Variants in PLD5 observed in about 807,000 individuals in gnomAD.
The protein encoded by PLD5 is phospholipase D family member 5.
In PLD5, 36 loss-of-function variants were observed where a neutral mutation model predicts 61.1. The ratio of observed to expected loss-of-function variants is 0.59; its 90% CI spans 0.45 to 0.78. The LOEUF is 0.78. Among genes scored for constraint, PLD5 ranks in the 30% least tolerant of loss-of-function variants. The probability of loss-of-function intolerance (pLI) is 0.00; values close to 1 mark genes in which losing one functional copy is unlikely to be tolerated. For synonymous variants in PLD5, 243 were observed against 242.8 expected (o/e 1.00, Z -0.01); for missense variants, 515 against 644.4 (o/e 0.80, Z 2.17).
In PLD5 at chr1:242,308,263, T is replaced by C. The variant is rs527713365; in HGVS notation, c.327-19733A>G. On this transcript the variant is annotated intron_variant, in intron 2 of 9. Transcript: ENST00000536534. ...CTTCAATCTTGCAATTCTCTAATCTTGGAAGTTTAAAAATTCATAAGATAT... is the reference window on the plus strand; with the variant it reads ...CTTCAATCTTGCAATTCTCTAATCTCGGAAGTTTAAAAATTCATAAGATAT... Among the ~76,000 whole-genome samples, 7 of 152,242 alleles carry C rather than the reference T, an allele frequency of 4.6e-5. No individual in the cohort carries two copies. In the East Asian group the frequency reaches 1.4e-3, roughly 29 times the overall value.
At chr1:242,433,452 A>G (rs898075241) in intron 1 of PLD5, among the ~76,000 whole-genome samples, 1 of 152,226 alleles carries the variant, frequency 6.6e-6, no homozygotes, top group Non-Finnish European at 1.5e-5. Flanking sequence ...ATGCAAATAC[A>G]GCAATCTAAA....
At chr1:242,091,465 T>C (rs1417804248) in intron 9 of PLD5, among the ~76,000 whole-genome samples, 1 of 152,126 alleles carries the variant, frequency 6.6e-6, no homozygotes, top group Non-Finnish European at 1.5e-5. Flanking sequence ...ACAACCATGG[T>C]CATAGATGTT....
chr1:242,409,585 A>G (rs1422720874), intron 1 of PLD5, among the ~76,000 whole-genome samples: 1 of 152,144 alleles, frequency 6.6e-6, no homozygotes, highest in African/African-American at 2.4e-5. Flanking sequence ...AATAGGCAAG[A>G]AAGAAGGAAG....
intron 2 of PLD5, among the ~76,000 whole-genome samples, chr1:242,334,728 A>G (rs1659399858): frequency 6.6e-6 from 1 of 152,186 alleles, no homozygotes; most frequent in Non-Finnish European, 1.5e-5. Flanking sequence ...AACCTCCCTT[A>G]TCTGACTAAG....
intron 4 of PLD5, among the ~76,000 whole-genome samples, chr1:242,234,920 C>T (rs1671540900): frequency 6.6e-6 from 1 of 151,542 alleles, no homozygotes. Flanking sequence ...CATCCGACTT[C>T]CTAGTTCGAA....
At chr1:242,172,955 A>C (rs1487431172) in intron 5 of PLD5, among the ~76,000 whole-genome samples, 1 of 152,132 alleles carries the variant, frequency 6.6e-6, no homozygotes, top group Non-Finnish European at 1.5e-5. Context: ...AGAGGTACAA[A>C]GAGGAGCTGG....
Position 242,501,556 on chromosome 1 carries a change from T to C in PLD5, c.189+22532A>G, listed in dbSNP as rs141978737. On this transcript the variant is annotated intron_variant, in intron 1 of 9. Transcript: ENST00000536534. ...AGCACTGTAAATTCTCAATGATCAA[T>C]GCTCATAAAGAAACGGAATGAAAAC... Among the ~76,000 whole-genome samples the C allele has an allele frequency of 1.3e-3, 200 of 152,258 alleles. 2 individuals carry two copies. The highest frequency in any genetic ancestry group is 4.6e-3 in the African/African-American group (190 of 41,554).
intron 1 of PLD5, among the ~76,000 whole-genome samples, chr1:242,457,653 C>T (rs1386182726): frequency 6.6e-6 from 1 of 152,128 alleles, no homozygotes; most frequent in African/African-American, 2.4e-5. Flanking sequence ...AAACAACTAA[C>T]ACACCCAATC....
At chr1:242,386,169 C>G (rs575084354) in intron 1 of PLD5, among the ~76,000 whole-genome samples, 3 of 152,254 alleles carry the variant, frequency 2.0e-5, no homozygotes, top group Non-Finnish European at 4.4e-5. Context: ...CTCACCCTAA[C>G]CACTTTATTT....
At chr1:242,269,668 G>A (rs935395375) in intron 3 of PLD5, among the ~76,000 whole-genome samples, 1 of 151,996 alleles carries the variant, frequency 6.6e-6, no homozygotes, top group African/African-American at 2.4e-5. Context: ...GCTAAGCAAA[G>A]GAAAATGAGT....
At chr1:242,285,859 A>G (rs1574667338) in intron 3 of PLD5, among the ~76,000 whole-genome samples, 2 of 151,992 alleles carry the variant, frequency 1.3e-5, no homozygotes, top group Non-Finnish European at 2.9e-5. Flanking sequence ...TATAATCCCA[A>G]CACTTTGGGA....
At chr1:242,408,479 AGT>A (rs1350929382) in intron 1 of PLD5, among the ~76,000 whole-genome samples, 1 of 152,144 alleles carries the variant, frequency 6.6e-6, no homozygotes, top group Non-Finnish European at 1.5e-5. Flanking sequence ...GTTGGTGATG[AGT>A]GAGTTCTCTG....
intron 1 of PLD5, among the ~76,000 whole-genome samples, chr1:242,394,488 GAACA>G (rs1663272554): frequency 1.1e-5 from 1 of 87,602 alleles, no homozygotes; most frequent in South Asian, 4.7e-4. Context: ...GTATATATGT[GAACA>G]TATATATGTG....
In PLD5 at chr1:242,418,394, G is replaced by A. The variant is rs540376286; in HGVS notation, c.190-70152C>T. On this transcript the variant is annotated intron_variant, in intron 1 of 9. Transcript: ENST00000536534. The stretch of plus-strand genomic sequence containing the variant: ...ATAGACAATTGGATGTGTGTCTGAA[G>A]CTCAGGGGCAAGGTCTAAGCTAAAG... 1.6e-3 allele frequency among the ~76,000 whole-genome samples: 250 copies of A among 152,284 alleles called. 2 individuals are homozygous for A. Among genetic ancestry groups the A allele is most frequent in the Admixed American group, 3.1e-3 (48 of 15,292 alleles).
chr1:242,137,705 T>C (rs749085879), intron 5 of PLD5, among the ~76,000 whole-genome samples: 1 of 152,132 alleles, frequency 6.6e-6, no homozygotes, highest in African/African-American at 2.4e-5. Context: ...TAGGATCCCA[T>C]TGATCATAAA....
rs536688265 is a variant in PLD5, at chr1:242,520,631, G to A, written c.189+3457C>T. Among the ~76,000 whole-genome samples the A allele has an allele frequency of 3.9e-4, 60 of 152,312 alleles. 1 individual carries two copies. Among genetic ancestry groups the A allele is most frequent in the African/African-American group, 1.3e-3 (54 of 41,578 alleles). ...TAGCACCAGGAAACCTCCGTACAGT[G>A]CAGCTGGCATAAAACCAGGCAACAA... On this transcript the variant is annotated intron_variant, in intron 1 of 9. Coordinates refer to ENST00000536534, the MANE Select transcript of PLD5 (RefSeq NM_001372062.1).
chr1:242,431,228 T>G (rs1665699445), intron 1 of PLD5, among the ~76,000 whole-genome samples: 1 of 152,178 alleles, frequency 6.6e-6, no homozygotes, highest in Non-Finnish European at 1.5e-5. Context: ...AATTCTCCAT[T>G]TCCCCCTTTC....
At chr1:242,340,413 T>C (rs1475896000) in intron 2 of PLD5, among the ~76,000 whole-genome samples, 1 of 151,754 alleles carries the variant, frequency 6.6e-6, no homozygotes, top group Non-Finnish European at 1.5e-5. Context: ...TCAAAGTTAA[T>C]GTAGATAAGG....
intron 3 of PLD5, among the ~76,000 whole-genome samples, chr1:242,279,330 C>G (rs1293320935): frequency 1.3e-5 from 2 of 152,114 alleles, no homozygotes; most frequent in Non-Finnish European, 2.9e-5. Flanking sequence ...TCCTGGGTGC[C>G]CAGTAAAATC....
Sources: allele counts gnomAD v4.1 joint callset (sites outside exome capture counted in the v4.1 genomes callset), GRCh38; gene constraint gnomAD v4.1.1; transcripts MANE v1.5; gene names NCBI Gene and HGNC (gene_info 2026-07-23, HGNC 2026-07-21).